ACOT7: variants seen among roughly 807,000 people sequenced by gnomAD.
The protein encoded by ACOT7 is acyl-CoA thioesterase 7, also known as cytosolic acyl coenzyme A thioester hydrolase.
ACOT7 carries 12 observed loss-of-function variants against 40.2 expected under a neutral mutation model. That is an observed-to-expected ratio of 0.30 (90% CI 0.19 to 0.48). The LOEUF is 0.48. Ranked by LOEUF, ACOT7 falls within the 20% of genes least tolerant of loss-of-function variation. The pLI is 0.99. For missense variants in ACOT7, 395 were observed against 530.8 expected (o/e 0.74, Z 2.51); for synonymous variants, 228 against 219.5 (o/e 1.04, Z -0.34).
intron 8 of ACOT7, among the ~76,000 whole-genome samples, chr1:6,266,744 G>A (rs995209173): frequency 6.6e-6 from 1 of 152,278 alleles, no homozygotes; most frequent in Non-Finnish European, 1.5e-5. Context: ...GCAGCGGCAA[G>A]GCCGAGGCTC....
chr1:6,382,933 C>T (rs970797570), intron 1 of ACOT7, among the ~76,000 whole-genome samples: 1 of 151,228 alleles, frequency 6.6e-6, no homozygotes, highest in Non-Finnish European at 1.5e-5. Flanking sequence ...GGTTGGAGTG[C>T]AATGTCACGA....
chr1:6,366,819 C>T (rs1182975036), intron 1 of ACOT7, among the ~76,000 whole-genome samples: 1 of 151,960 alleles, frequency 6.6e-6, no homozygotes, highest in Non-Finnish European at 1.5e-5. Context: ...CCACACCAGG[C>T]TAATTTTTTG....
rs34962967 is a variant in ACOT7, at chr1:6,370,457, GTATTATTATTATTATTATTATTATTAT to G, written c.144-20618_144-20592del. 2.1e-5 allele frequency among the ~76,000 whole-genome samples: 3 copies of G among 140,808 alleles called. 1 individual carries two copies. Among genetic ancestry groups the G allele is most frequent in the African/African-American group, 7.8e-5 (3 of 38,306 alleles). 92.4% of individuals were successfully genotyped at this position (140,808 alleles called of 152,430 possible). The stretch of plus-strand genomic sequence containing the variant: ...GGTCTATTGTCAATGAGCAGTGTTA[GTATTATTATTATTATTATTATTATTAT>G]TATTATTATTATTATTATTATTTGA... On this transcript the variant is annotated intron_variant, in intron 1 of 8. Coordinates refer to ENST00000361521, the MANE Select transcript of ACOT7 (RefSeq NM_007274.4).
chr1:6,331,732 C>T (rs1391195182), intron 4 of ACOT7, among the ~76,000 whole-genome samples: 1 of 152,138 alleles, frequency 6.6e-6, no homozygotes, highest in African/African-American at 2.4e-5. Context: ...GACAGGGCTC[C>T]CCTGTCACCA....
chr1:6,319,508 GAA>G (rs967050531), intron 5 of ACOT7, among the ~76,000 whole-genome samples: 11 of 152,146 alleles, frequency 7.2e-5, no homozygotes, highest in African/African-American at 2.7e-4. Context: ...TATAATTTTT[GAA>G]AAGTCAGTTA....
chr1:6,346,395 C>T lies in ACOT7; in HGVS notation c.261+3354G>A, dbSNP rs138207473. The stretch of plus-strand genomic sequence containing the variant: ...GGGATTCCAACATTTTTATGTAGAG[C>T]CTAGAAGAGGAGAGGGCAGGGCCCT... On this transcript the variant is annotated intron_variant, in intron 2 of 8. Transcript: ENST00000361521. Among the ~76,000 whole-genome samples the T allele has an allele frequency of 7.2e-4, 110 of 152,266 alleles. 1 individual carries two copies. The highest frequency in any genetic ancestry group is 2.6e-3 in the African/African-American group (106 of 41,558).
intron 6 of ACOT7, among the ~76,000 whole-genome samples, chr1:6,315,852 G>A (rs1640478597): frequency 6.6e-6 from 1 of 151,002 alleles, no homozygotes. Flanking sequence ...TACTAAAATA[G>A]GCATTATTGT....
chr1:6,323,735 AAAATATATATATATATATATATAT>A (rs1438832169), intron 5 of ACOT7, among the ~76,000 whole-genome samples: 6 of 54,012 alleles, frequency 1.1e-4, no homozygotes, highest in African/African-American at 4.2e-4. Context: ...AAAAAAAAAA[AAAATATATATATATATATATATAT>A]ATATATATAT....
chr1:6,282,899 C>T lies in ACOT7; in HGVS notation c.830-1613G>A. On this transcript the variant is annotated intron_variant, in intron 7 of 8. Transcript: ENST00000361521. This position sits in a 1 kb window ranked among gnomAD's most constrained non-coding sequence, Gnocchi z 4.5. ...GCCCCAGCTAAGGAGCTAGAAGTTT[C>T]AACAGGTCAGACCTGAGGGTCTCCC... 1.3e-6 allele frequency: 1 copy of T among 765,332 alleles called. No individual in the cohort carries two copies. Among genetic ancestry groups the T allele is most frequent in the Non-Finnish European group, 2.0e-6 (1 of 496,992 alleles). 47.4% of individuals were successfully genotyped at this position (765,332 alleles called of 1,614,324 possible).
chr1:6,378,440 G>T (rs1184207478), intron 1 of ACOT7, among the ~76,000 whole-genome samples: 1 of 151,922 alleles, frequency 6.6e-6, no homozygotes, highest in African/African-American at 2.4e-5. Flanking sequence ...TCCCAGTCCC[G>T]GGCTCATGGG....
chr1:6,335,398 T>C (rs1300223452), intron 3 of ACOT7, among the ~76,000 whole-genome samples: 1 of 149,408 alleles, frequency 6.7e-6, no homozygotes, highest in Non-Finnish European at 1.5e-5. Context: ...AAGGCTGAGA[T>C]AGGAGGATCG....
In ACOT7 at chr1:6,358,847, G is replaced by A. The variant is rs772610258; in HGVS notation, c.144-8981C>T. 6.2e-7 allele frequency: 1 copy of A among 1,614,000 alleles called. No individual in the cohort carries two copies. The highest frequency in any genetic ancestry group is 2.2e-5 in the East Asian group (1 of 44,874). On this transcript the variant is annotated intron_variant, in intron 1 of 8. Transcript: ENST00000361521. The surrounding 1 kb of genome is among the most constrained non-coding windows in gnomAD (Gnocchi z 4.1). ...GTACCTGCTCAGCTGGAAAGCCATG[G>A]TGGCTAGGACATCCCAGGATCAGAT...
rs968926628 is a variant in ACOT7, at chr1:6,264,566, A to T, written c.*31T>A. 2.5e-6 allele frequency: 4 copies of T among 1,596,762 alleles called. 1 individual carries two copies. The African/African-American group carries it at 5.4e-5, about 21-fold the overall frequency. On this transcript the variant is annotated 3_prime_UTR_variant, in exon 9 of 9. Coordinates refer to ENST00000361521, the MANE Select transcript of ACOT7 (RefSeq NM_007274.4). ...GGACACTGGGCCCGTTGCCATGGCT[A>T]CTCGAGGCACCAGTGGCAGGAGGAG...
chr1:6,283,135 A>G (rs769678788), intron 7 of ACOT7, among the ~76,000 whole-genome samples: 25 of 152,338 alleles, frequency 1.6e-4, no homozygotes, highest in Non-Finnish European at 3.2e-4. Flanking sequence ...GTCTTTGAAC[A>G]CTGGCTCTTA....
chr1:6,335,158 C>T (rs1641063986), intron 3 of ACOT7, among the ~76,000 whole-genome samples: 1 of 151,942 alleles, frequency 6.6e-6, no homozygotes, highest in South Asian at 2.1e-4. Context: ...TGGAGAAACC[C>T]CGTCTCTACT....
rs555102335 is a variant in ACOT7, at chr1:6,274,325, G to A, written c.1014+6777C>T. On this transcript the variant is annotated intron_variant, in intron 8 of 8. Transcript: ENST00000361521. This position sits in a 1 kb window ranked among gnomAD's most constrained non-coding sequence, Gnocchi z 5.9. ...CTGTCTGCAGCCCCCACATCAGTGCGTCACAAAGCTGTGGCCCTCAGCACT... is the reference window on the plus strand; with the variant it reads ...CTGTCTGCAGCCCCCACATCAGTGCATCACAAAGCTGTGGCCCTCAGCACT... Among the ~76,000 whole-genome samples, 24 of 152,328 alleles carry A rather than the reference G, an allele frequency of 1.6e-4. No individual in the cohort carries two copies. The highest frequency in any genetic ancestry group is 4.1e-4 in the South Asian group (2 of 4,826).
chr1:6,290,267 T>C (rs1044419783), intron 7 of ACOT7, among the ~76,000 whole-genome samples: 3 of 152,094 alleles, frequency 2.0e-5, no homozygotes, highest in African/African-American at 7.2e-5. Flanking sequence ...GGAGAGTGAG[T>C]GCAGGCTATT....
intron 1 of ACOT7, among the ~76,000 whole-genome samples, chr1:6,350,667 C>G (rs527307478): frequency 6.6e-6 from 1 of 152,252 alleles, no homozygotes; most frequent in South Asian, 2.1e-4. Context: ...GGCCTGGAGA[C>G]GAGTGACAGG....
At chr1:6,327,688 A>G (rs1458414998) in intron 4 of ACOT7, among the ~76,000 whole-genome samples, 1 of 152,224 alleles carries the variant, frequency 6.6e-6, no homozygotes, top group Non-Finnish European at 1.5e-5. Flanking sequence ...ATGGTGCTGT[A>G]TGTGGAGCTT....
Sources: gnomAD v4.1 joint callset for allele counts (sites outside exome capture counted in the v4.1 genomes callset) on GRCh38, gnomAD v4.1.1 for gene constraint, Gnocchi (gnomAD v3.1) non-coding constraint, MANE v1.5 for transcripts, NCBI Gene and HGNC (gene_info 2026-07-23, HGNC 2026-07-21) for gene names.